RAB41: variants seen among roughly 807,000 people sequenced by gnomAD.
The protein encoded by RAB41 is RAB41, member RAS oncogene family, also known as ras-related protein Rab-41.
RAB41 carries 15 observed loss-of-function variants against 19.0 expected under a neutral mutation model. The ratio of observed to expected loss-of-function variants is 0.79; its 90% CI spans 0.53 to 1.21. The LOEUF (loss-of-function observed/expected upper bound fraction) is 1.21, where lower values mean the gene tolerates loss of function less well. Ranked by LOEUF, RAB41 falls within the 50% of genes most tolerant of loss-of-function variation. The pLI is 0.00. For missense variants in RAB41, 177 were observed against 179.7 expected (o/e 0.99, Z 0.09); for synonymous variants, 73 against 64.7 (o/e 1.13, Z -0.62).
chrX:70,284,970 C>A lies in RAB41; in HGVS notation c.*327C>A. ...ATTCTCCACTGTTTGTTGTTGTTTA[C>A]CTACACCCTCAATAAATGGTTCTTT... On this transcript the variant is annotated 3_prime_UTR_variant, in exon 8 of 8. Transcript: ENST00000374473. The A allele has an allele frequency of 3.8e-6, 1 of 262,976 alleles. No individual in the cohort carries two copies. The highest frequency in any genetic ancestry group is 6.8e-6 in the Non-Finnish European group (1 of 147,407). The allele number at this position is 262,976 out of a possible 1,213,427, so 21.7% of individuals were successfully genotyped here.
chrX:70,283,764 G>C (rs1029160509), intron 5 of RAB41, 140 bp downstream of exon 5: 2 of 543,903 alleles, frequency 3.7e-6, no homozygotes, highest in Non-Finnish European at 6.3e-6. Flanking sequence ...GGAAGGACAG[G>C]GGGGCGTCCC....
In RAB41 at chrX:70,284,810, C is replaced by T. The variant is rs1569225015; in HGVS notation, c.*167C>T. ...GAAAGTGCTATCATTTTTTCCTGAC[C>T]GCATCTCACAGCTACTGGGTGGAAG... is the stretch of plus-strand genomic sequence containing the variant. On this transcript the variant is annotated 3_prime_UTR_variant, in exon 8 of 8. Transcript: ENST00000374473. 5 of 463,536 alleles carry T rather than the reference C, an allele frequency of 1.1e-5. No homozygotes were observed. The highest frequency in any genetic ancestry group is 6.5e-5 in the Admixed American group (2 of 30,667). 38.2% of individuals were successfully genotyped at this position (463,536 alleles called of 1,213,427 possible). A position where few individuals can be genotyped will look rare whatever the true frequency, so the allele number is the denominator to read the frequency against.
chrX:70,282,507 G>T lies in RAB41; in HGVS notation c.125-26G>T, dbSNP rs766724589. On this transcript the variant is annotated intron_variant, in intron 1 of 7. Transcript: ENST00000374473. ...GGGGAGAAAGGGCACTGAGGGCGAC[G>T]ATTGGCCTGCTTATCTCCCTCACAG... 1.3e-5 allele frequency: 16 copies of T among 1,205,587 alleles called. No homozygotes were observed. In the South Asian group the frequency reaches 2.8e-4, roughly 21 times the overall value.
At chrX:70,283,127 G>A (rs1425049136) in intron 3 of RAB41, 141 bp from the exon 4 acceptor site, 1 of 524,899 alleles carries the variant, frequency 1.9e-6, no homozygotes, top group Non-Finnish European at 3.1e-6. Context: ...AGGCCATTTG[G>A]TCTGAGGCTA....
chrX:70,283,175 T>G, intron 3 of RAB41, 93 bp from the exon 4 acceptor site: 1 of 753,943 alleles, frequency 1.3e-6, no homozygotes, highest in Non-Finnish European at 2.0e-6. Context: ...TACCTGACCT[T>G]TTGTATTCTG....
chrX:70,284,240 TGGTCCCCA>T lies in RAB41; in HGVS notation c.550-25_550-18del. On this transcript the variant is annotated intron_variant, in intron 6 of 7. Transcript: ENST00000374473. Reference sequence around the variant, plus strand: ...TTTTTTTTTCCCCTTTTTTTTTTTTTGGTCCCCATTCACACACACACACAGCTGTTCCG... The same window carrying T: ...TTTTTTTTTCCCCTTTTTTTTTTTTTTTCACACACACACACAGCTGTTCCG... 2 of 1,184,694 alleles carry T rather than the reference TGGTCCCCA, an allele frequency of 1.7e-6. No homozygotes were observed. Among genetic ancestry groups the T allele is most frequent in the Non-Finnish European group, 2.3e-6 (2 of 884,039 alleles).
rs1199396843 is a variant in RAB41, at chrX:70,284,679, CT to C, written c.*38del. ...TTTCTCTGCCTCATTTGATGGATTT[CT>C]TACATTTGGGCTTGCCATACCAGTT... On this transcript the variant is annotated 3_prime_UTR_variant, in exon 8 of 8. Transcript: ENST00000374473. 3 of 1,131,953 alleles carry C rather than the reference CT, an allele frequency of 2.7e-6. No individual in the cohort carries two copies. Among genetic ancestry groups the C allele is most frequent in the Non-Finnish European group, 3.6e-6 (3 of 824,480 alleles). 93.3% of individuals were successfully genotyped at this position (1,131,953 alleles called of 1,213,427 possible). A position where few individuals can be genotyped will look rare whatever the true frequency, so the allele number is the denominator to read the frequency against.
intron 6 of RAB41, 48 bp from the exon 7 acceptor site, chrX:70,284,213 CTTTTT>C: frequency 1.1e-6 from 1 of 933,787 alleles, no homozygotes; most frequent in Non-Finnish European, 1.5e-6. Flanking sequence ...TGAACCTGAC[CTTTTT>C]TTTTTCCCCT....
At chrX:70,283,203 C>CT (rs1198214212) in intron 3 of RAB41, 65 bp from the exon 4 acceptor site, 1 of 968,871 alleles carries the variant, frequency 1.0e-6, no homozygotes, top group Non-Finnish European at 1.5e-6. Context: ...TAGGTTTGAG[C>CT]TTTTTAAAAA....
At position 70,282,260 on chromosome X, in the gene RAB41, G is replaced by A. The variant is rs2085690886; in HGVS notation, c.43G>A (p.Gly15Ser). The change falls in exon 1 of 8, where the codon GGC (glycine) becomes AGC (serine). Residue 15 changes from glycine to serine, a missense_variant. Transcript: ENST00000374473. ...CGACGAGGCCTGGATGGAGGCCGGA[G>A]GCTTTGGTCTGGAGGCTGCCGAAAG... The part of the protein sequence containing the change: ...GHDEAWMEAG[G>S]FGLEAAERTE... 4 of 1,212,057 alleles carry A rather than the reference G, an allele frequency of 3.3e-6. No homozygotes were observed. Among genetic ancestry groups the A allele is most frequent in the Non-Finnish European group, 4.5e-6 (4 of 895,338 alleles).
At chrX:70,283,435 A>G in intron 4 of RAB41, 62 bp downstream of exon 4, 1 of 1,104,864 alleles carries the variant, frequency 9.1e-7, no homozygotes, top group Non-Finnish European at 1.3e-6. Context: ...AGGGAGATTG[A>G]CAAAATTAGC....
chrX:70,283,249 CCTAAA>C lies in RAB41; in HGVS notation c.238-17_238-13del. ...TTGTCTACCTTTCCCCCATCTTCTT[CCTAAA>C]CATTTTTATGCAGGTTCAGCTGCAG... On this transcript the variant is annotated splice_polypyrimidine_tract_variant and intron_variant, in intron 3 of 7. Transcript: ENST00000374473. 3.4e-6 allele frequency: 4 copies of C among 1,187,562 alleles called. No individual in the cohort carries two copies. Among genetic ancestry groups the C allele is most frequent in the Non-Finnish European group, 4.6e-6 (4 of 874,859 alleles).
At chrX:70,283,905 A>G in intron 5 of RAB41, 45 bp from the exon 6 acceptor site, 1 of 932,810 alleles carries the variant, frequency 1.1e-6, no homozygotes. Context: ...GAGTCTATCC[A>G]TATCCAATAA....
At chrX:70,283,428 G>A in intron 4 of RAB41, 55 bp downstream of exon 4, 2 of 1,105,665 alleles carry the variant, frequency 1.8e-6, no homozygotes, top group Non-Finnish European at 2.5e-6. Flanking sequence ...GATTGATAGG[G>A]AGATTGACAA....
At position 70,284,978 on chromosome X, in the gene RAB41, C is replaced by A; in HGVS notation, c.*335C>A. On this transcript the variant is annotated 3_prime_UTR_variant, in exon 8 of 8. Coordinates refer to ENST00000374473, the MANE Select transcript of RAB41 (RefSeq NM_001363807.1). ...CTGTTTGTTGTTGTTTACCTACACC[C>A]TCAATAAATGGTTCTTTAACCTAAG... The A allele has an allele frequency of 4.0e-6, 1 of 251,575 alleles. No homozygotes were observed. Among genetic ancestry groups the A allele is most frequent in the Non-Finnish European group, 7.1e-6 (1 of 140,308 alleles). 20.7% of individuals were successfully genotyped at this position (251,575 alleles called of 1,213,427 possible).
chrX:70,284,228 T>TG (rs1569224796), intron 6 of RAB41, 38 bp from the exon 7 acceptor site: 6 of 965,232 alleles, frequency 6.2e-6, no homozygotes, highest in South Asian at 2.3e-5. Flanking sequence ...TTTTTTCCCC[T>TG]TTTTTTTTTT....
In RAB41 at chrX:70,284,267, T is replaced by G; in HGVS notation, c.551T>G (p.Leu184Arg). 1 of 1,206,257 alleles carries G rather than the reference T, an allele frequency of 8.3e-7. No homozygotes were observed. The highest frequency in any genetic ancestry group is 1.1e-6 in the Non-Finnish European group (1 of 893,265). ...SAKTGYNVKKLFRRVASALLS... is the reference protein window; with the variant it reads ...SAKTGYNVKKRFRRVASALLS... ...GTCCCCATTCACACACACACACAGCTGTTCCGGCGTGTGGCTTCTGCCCTT... is the reference window on the plus strand; with the variant it reads ...GTCCCCATTCACACACACACACAGCGGTTCCGGCGTGTGGCTTCTGCCCTT... The change falls in exon 7 of 8, where the codon CTG becomes CGG. Residue 184 changes from leucine (L) to arginine (R), a missense_variant and splice_region_variant. Transcript: ENST00000374473.
chrX:70,284,910 C>T lies in RAB41; in HGVS notation c.*267C>T. The T allele has an allele frequency of 2.6e-6, 1 of 378,114 alleles. No individual in the cohort carries two copies. Among genetic ancestry groups the T allele is most frequent in the Non-Finnish European group, 4.7e-6 (1 of 214,715 alleles). 31.2% of individuals were successfully genotyped at this position (378,114 alleles called of 1,213,427 possible). A position where few individuals can be genotyped will look rare whatever the true frequency, so the allele number is the denominator to read the frequency against. On this transcript the variant is annotated 3_prime_UTR_variant, in exon 8 of 8. Coordinates refer to ENST00000374473, the MANE Select transcript of RAB41 (RefSeq NM_001363807.1). ...GACATCTGTAGAGAATACAGTTCTA[C>T]AGCAGCTGACATACTTCAAAGGCCA...
chrX:70,284,313 T>C lies in RAB41; in HGVS notation c.597T>C (p.Pro199=), dbSNP rs373845792. ...ASALLSTRTS[P]PPKEGTVEIE... ...CCCTTCTTTCCACAAGGACTTCACC[T>C]CCACCAAAAGAGGGGAGTATCCTTT... The change falls in exon 7 of 8, where the codon CCT becomes CCC. Residue 199 remains proline (P), a synonymous_variant. Coordinates refer to ENST00000374473, the MANE Select transcript of RAB41 (RefSeq NM_001363807.1). 9.9e-6 allele frequency: 12 copies of C among 1,206,773 alleles called. No homozygotes were observed. The highest frequency in any genetic ancestry group is 1.3e-5 in the Non-Finnish European group (12 of 893,820).
Sources: allele counts gnomAD v4.1 joint callset, GRCh38; gene constraint gnomAD v4.1.1; transcripts MANE v1.5; gene names NCBI Gene and HGNC (gene_info 2026-07-23, HGNC 2026-07-21).